Variants in HELQ observed in about 807,000 individuals in gnomAD.
HELQ encodes helicase POLQ-like.
HELQ carries 77 observed loss-of-function variants against 111.6 expected under a neutral mutation model. The observed-to-expected ratio is 0.69, with a 90% CI of 0.57 to 0.83. HELQ has a LOEUF of 0.83. Ranked by LOEUF, HELQ falls within the 40% of genes least tolerant of loss-of-function variation. The pLI, the probability that HELQ is intolerant of heterozygous loss-of-function variation, is 0.00. For missense variants in HELQ, 1,200 were observed against 1,288.5 expected (o/e 0.93, Z 1.05); for synonymous variants, 438 against 454.7 (o/e 0.96, Z 0.47).
In HELQ at chr4:83,429,571, ACCT is replaced by A. The variant is rs1225772632; in HGVS notation, c.2468_2470del (p.Glu823del). The A allele has an allele frequency of 2.8e-5, 45 of 1,612,116 alleles. No homozygotes were observed. The highest frequency in any genetic ancestry group is 1.8e-4 in the Middle Eastern group (1 of 5,514). On this transcript the variant is annotated inframe_deletion, in exon 12 of 18. Coordinates refer to ENST00000295488, the MANE Select transcript of HELQ (RefSeq NM_133636.5). ...CTTTGTAATATGAAAATTATATTGG[ACCT>A]CTTCTTCAGACTTATAAATAGTGTC... is the stretch of plus-strand genomic sequence containing the variant.
Position 83,432,073 on chromosome 4 carries a change from A to G in HELQ, c.2190+53T>C, listed in dbSNP as rs144852767. 3,304 of 1,248,316 alleles carry G rather than the reference A, an allele frequency of 2.6e-3. 113 individuals carry two copies. The Admixed American group carries it at 0.063, about 24-fold the overall frequency. 77.3% of individuals were successfully genotyped at this position (1,248,316 alleles called of 1,614,324 possible). On this transcript the variant is annotated intron_variant, in intron 10 of 17. Coordinates refer to ENST00000295488, the MANE Select transcript of HELQ (RefSeq NM_133636.5). ...AAAGATGATTTCATAAAAGGGCTAG[A>G]CCAACAACCAAGAAAAAGACAAAAA...
At chr4:83,425,145 T>G (rs186473519) in intron 14 of HELQ, among the ~76,000 whole-genome samples, 1 of 151,832 alleles carries the variant, frequency 6.6e-6, no homozygotes, top group Admixed American at 6.6e-5. Context: ...CTAGGCGTGG[T>G]GGCAGGCGCC....
At chr4:83,453,966 C>T in intron 1 of HELQ, 21 bp from the exon 2 acceptor site, 1 of 1,387,818 alleles carries the variant, frequency 7.2e-7, no homozygotes, top group Non-Finnish European at 1.0e-6. Flanking sequence ...AACAAAAACG[C>T]TTATGGTCAA....
chr4:83,434,468 C>G (rs1441572238), intron 9 of HELQ, among the ~76,000 whole-genome samples: 2 of 148,826 alleles, frequency 1.3e-5, no homozygotes, highest in Non-Finnish European at 2.9e-5. Flanking sequence ...CAGTTAAAAA[C>G]TCATTTTTTT....
chr4:83,426,667 G>A (rs761142825), intron 13 of HELQ, among the ~76,000 whole-genome samples: 8 of 151,822 alleles, frequency 5.3e-5, no homozygotes, highest in Non-Finnish European at 1.0e-4. Flanking sequence ...GGGTTCAAGC[G>A]ATTCTACTGC....
chr4:83,448,845 G>C lies in HELQ; in HGVS notation c.1129C>G (p.Leu377Val). The change falls in exon 3 of 18, where the codon CTG becomes GTG. Residue 377 changes from leucine to valine, a missense_variant. This residue lies in a region of HELQ where 610 missense variants were observed against 607.1 expected (regional missense o/e 1.00). Coordinates refer to ENST00000295488, the MANE Select transcript of HELQ (RefSeq NM_133636.5). ...AAAACATCTTTCCGACAGCAAAGCA[G>C]TTCTTGCAGCATTAAAATCTCAGCC... is the stretch of plus-strand genomic sequence containing the variant. Reference protein sequence around the residue: ...LVAEILMLQELLCCRKDVLMI... With the variant: ...LVAEILMLQEVLCCRKDVLMI... 1 of 1,613,952 alleles carries C rather than the reference G, an allele frequency of 6.2e-7. No individual in the cohort carries two copies. Among genetic ancestry groups the C allele is most frequent in the Admixed American group, 1.7e-5 (1 of 59,994 alleles).
At chr4:83,442,243 C>T (rs867862220) in intron 6 of HELQ, among the ~76,000 whole-genome samples, 214 of 139,642 alleles carry the variant, frequency 1.5e-3, no homozygotes, top group Middle Eastern at 0.014. Context: ...CTATCTGGTT[C>T]AAATGTAAAA....
intron 12 of HELQ, among the ~76,000 whole-genome samples, chr4:83,428,312 GTTT>G (rs111926706): frequency 6.9e-6 from 1 of 144,868 alleles, no homozygotes; most frequent in Non-Finnish European, 1.5e-5. Context: ...GAGTTCTTAG[GTTT>G]TTTTTTTTTA....
At position 83,455,762 on chromosome 4, in the gene HELQ, A is replaced by G. The variant is rs1026078139; in HGVS notation, c.-69T>C. 2.8e-6 allele frequency: 4 copies of G among 1,449,124 alleles called. No individual in the cohort carries two copies. Among genetic ancestry groups the G allele is most frequent in the African/African-American group, 1.4e-5 (1 of 71,254 alleles). The allele number at this position is 1,449,124 out of a possible 1,614,324, so 89.8% of individuals were successfully genotyped here. A position where few individuals can be genotyped will look rare whatever the true frequency, so the allele number is the denominator to read the frequency against. On this transcript the variant is annotated 5_prime_UTR_variant, in exon 1 of 18. Transcript: ENST00000295488. ...CAGACGCTAAGCCCATATGGAAGGG[A>G]GAGTGGGACGCCGGAGCCCGCTTCT...
At chr4:83,436,529 A>C (rs539733856) in intron 9 of HELQ, among the ~76,000 whole-genome samples, 3 of 152,294 alleles carry the variant, frequency 2.0e-5, no homozygotes, top group Admixed American at 2.0e-4. Context: ...ATGTTAAATA[A>C]ACTCTTTCAT....
At chr4:83,441,447 C>A (rs1720750954) in intron 6 of HELQ, 44 bp from the exon 7 acceptor site, 2 of 897,314 alleles carry the variant, frequency 2.2e-6, no homozygotes, top group Non-Finnish European at 1.8e-6. Context: ...CATATAAATT[C>A]ATCTTTCCAG....
chr4:83,432,948 T>C (rs1284419652), intron 9 of HELQ, among the ~76,000 whole-genome samples: 1 of 151,946 alleles, frequency 6.6e-6, no homozygotes, highest in East Asian at 1.9e-4. Context: ...TAGTCCCAGA[T>C]ACTTGGGAGG....
At chr4:83,449,441 T>G (rs1721230351) in intron 2 of HELQ, among the ~76,000 whole-genome samples, 1 of 152,168 alleles carries the variant, frequency 6.6e-6, no homozygotes, top group Non-Finnish European at 1.5e-5. Flanking sequence ...AATAAAAACT[T>G]TAACTAGCTC....
At position 83,455,763 on chromosome 4, in the gene HELQ, G is replaced by GC; in HGVS notation, c.-71_-70insG. On this transcript the variant is annotated 5_prime_UTR_variant, in exon 1 of 18. Coordinates refer to ENST00000295488, the MANE Select transcript of HELQ (RefSeq NM_133636.5). ...AGACGCTAAGCCCATATGGAAGGGA[G>GC]AGTGGGACGCCGGAGCCCGCTTCTA... is the stretch of plus-strand genomic sequence containing the variant. 6.9e-7 allele frequency: 1 copy of GC among 1,444,536 alleles called. No homozygotes were observed. The highest frequency in any genetic ancestry group is 9.4e-7 in the Non-Finnish European group (1 of 1,061,236). 89.5% of individuals were successfully genotyped at this position (1,444,536 alleles called of 1,614,324 possible).
intron 12 of HELQ, among the ~76,000 whole-genome samples, chr4:83,428,150 T>C (rs1022653745): frequency 6.6e-6 from 1 of 152,184 alleles, no homozygotes; most frequent in South Asian, 2.1e-4. Flanking sequence ...TGATATCTTA[T>C]GAGAAATGTA....
Position 83,416,991 on chromosome 4 carries a change from A to G in HELQ, c.3064-126T>C. ...GGGATAAAATAAAGTAAATATGAAG[A>G]GACAAGACATGAGAATACTGAGGAA... On this transcript the variant is annotated intron_variant, in intron 16 of 17. Transcript: ENST00000295488. 4.9e-6 allele frequency: 4 copies of G among 814,186 alleles called. No homozygotes were observed. In the South Asian group the frequency reaches 5.9e-5, roughly 12 times the overall value. The allele number at this position is 814,186 out of a possible 1,614,324, so 50.4% of individuals were successfully genotyped here. A position where few individuals can be genotyped will look rare whatever the true frequency, so the allele number is the denominator to read the frequency against.
intron 14 of HELQ, among the ~76,000 whole-genome samples, 160 bp downstream of exon 14, chr4:83,425,834 G>A (rs954905801): frequency 2.6e-5 from 4 of 152,112 alleles, no homozygotes; most frequent in Non-Finnish European, 5.9e-5. Flanking sequence ...GGGTGCTCAG[G>A]TATGTTTTAA....
At chr4:83,431,040 C>T (rs1409966829) in intron 11 of HELQ, among the ~76,000 whole-genome samples, 1 of 152,090 alleles carries the variant, frequency 6.6e-6, no homozygotes, top group Non-Finnish European at 1.5e-5. Context: ...CCACTGATGC[C>T]CCAACTTGGA....
At chr4:83,438,539 G>A (rs556050648) in intron 8 of HELQ, among the ~76,000 whole-genome samples, 30 of 152,092 alleles carry the variant, frequency 2.0e-4, no homozygotes, top group Non-Finnish European at 4.1e-4. Context: ...TCAGGAGTTC[G>A]AAACCAGCCT....
Sources: allele counts gnomAD v4.1 joint callset (sites outside exome capture counted in the v4.1 genomes callset), GRCh38; gene constraint gnomAD v4.1.1; regional missense constraint gnomAD v4.1.1; transcripts MANE v1.5; gene names NCBI Gene and HGNC (gene_info 2026-07-23, HGNC 2026-07-21).